The following CDH20 variants were observed in gnomAD, a reference collection of about 807,000 sequenced individuals.
CDH20 encodes cadherin 20.
In CDH20, 29 loss-of-function variants were observed where a neutral mutation model predicts 74.2. That is an observed-to-expected ratio of 0.39 (90% CI 0.29 to 0.53). The LOEUF (loss-of-function observed/expected upper bound fraction) is 0.53. CDH20 is among the 20% of genes least tolerant of loss of function. The pLI, the probability that CDH20 is intolerant of heterozygous loss-of-function variation, is 0.69. For synonymous variants in CDH20, 469 were observed against 405.4 expected, an observed-to-expected ratio of 1.16 and a Z score of -1.88; for missense variants, 988 against 1,048.3, an observed-to-expected ratio of 0.94 and a Z score of 0.79.
intron 1 of CDH20, among the ~76,000 whole-genome samples, chr18:61,433,899 A>G (rs560284857): frequency 7.9e-5 from 12 of 152,286 alleles, no homozygotes; most frequent in African/African-American, 2.6e-4. Context: ...ACTCTCAGAA[A>G]ACAGAACCTT....
At chr18:61,405,301 T>C (rs1912295784) in intron 1 of CDH20, 36 of 302,962 alleles carry the variant, frequency 1.2e-4, no homozygotes, top group South Asian at 1.1e-3. Flanking sequence ...AAAAGACTGA[T>C]ATAGGGTTGG....
chr18:61,387,965 A>G (rs142769750), intron 1 of CDH20, among the ~76,000 whole-genome samples: 45 of 109,570 alleles, frequency 4.1e-4, no homozygotes, highest in Admixed American at 1.1e-3. Flanking sequence ...TATAGTGGGG[A>G]AAAAAAAAAA....
intron 1 of CDH20, among the ~76,000 whole-genome samples, chr18:61,370,162 A>T (rs1439661830): frequency 6.6e-6 from 1 of 152,136 alleles, no homozygotes; most frequent in Non-Finnish European, 1.5e-5. Context: ...TTAAAACTTC[A>T]TGGGGTGCTT....
At position 61,333,505 on chromosome 18, in the gene CDH20, CA is replaced by C. The variant is rs1339810180; in HGVS notation, c.-474del. 3 of 152,384 alleles carry C rather than the reference CA, an allele frequency of 2.0e-5. No individual in the cohort carries two copies. Among genetic ancestry groups the C allele is most frequent in the South Asian group, 4.1e-4 (2 of 4,842 alleles). 9.4% of individuals were successfully genotyped at this position (152,384 alleles called of 1,614,324 possible). A position where few individuals can be genotyped will look rare whatever the true frequency, so the allele number is the denominator to read the frequency against. On this transcript the variant is annotated 5_prime_UTR_variant, in exon 1 of 12. Coordinates refer to ENST00000262717, the MANE Select transcript of CDH20 (RefSeq NM_031891.4). Reference sequence around the variant, plus strand: ...ACGCTCGGGGGACGGTGACCGCGACCAGGGGGCTCTTCTCACTGGACAGGCC... The same window carrying C: ...ACGCTCGGGGGACGGTGACCGCGACCGGGGGCTCTTCTCACTGGACAGGCC...
intron 1 of CDH20, among the ~76,000 whole-genome samples, chr18:61,478,955 A>T (rs1342420820): frequency 6.6e-6 from 1 of 151,818 alleles, no homozygotes. Flanking sequence ...AATTTATATT[A>T]TATAAATATA....
intron 5 of CDH20, among the ~76,000 whole-genome samples, chr18:61,506,488 AG>A (rs1353787039): frequency 1.3e-5 from 2 of 152,236 alleles, no homozygotes; most frequent in African/African-American, 2.4e-5. Flanking sequence ...TTAGAATAAA[AG>A]GGAACACGTA....
intron 1 of CDH20, among the ~76,000 whole-genome samples, chr18:61,444,933 G>A (rs1038341688): frequency 2.6e-5 from 4 of 151,968 alleles, no homozygotes; most frequent in African/African-American, 4.8e-5. Context: ...CAGTACTAGT[G>A]GAAGAAAGGG....
Position 61,544,791 on chromosome 18 carries a change from C to G in CDH20, c.1531-236C>G, listed in dbSNP as rs564558033. On this transcript the variant is annotated intron_variant, in intron 9 of 11. Transcript: ENST00000262717. ...TCTTGGAAAATGCAACATTTGGGCC[C>G]AAAAACAGGAGTTCCTATTCTCACT... is the stretch of plus-strand genomic sequence containing the variant. Among the ~76,000 whole-genome samples the G allele has an allele frequency of 9.2e-5, 14 of 152,104 alleles. No homozygotes were observed. In the East Asian group the frequency reaches 1.5e-3, roughly 17 times the overall value.
intron 6 of CDH20, among the ~76,000 whole-genome samples, chr18:61,517,915 A>T (rs1259233029): frequency 7.9e-5 from 12 of 152,088 alleles, no homozygotes; most frequent in African/African-American, 2.4e-5. Context: ...TCGACCTGGG[A>T]CACTGGAGCT....
rs186036651 is a variant in CDH20 at position 61,338,047 on chromosome 18, T to C, written c.-153+4220T>C. On this transcript the variant is annotated intron_variant, in intron 1 of 11. Transcript: ENST00000262717. ...GAAATACTTAGTTTCTCCAAAATAT[T>C]GTCTGTTTGCTTAAGAGGTGCAACA... Among the ~76,000 whole-genome samples, 200 of 152,332 alleles carry C rather than the reference T, an allele frequency of 1.3e-3. 2 individuals carry two copies. In the East Asian group the frequency reaches 0.028, roughly 21 times the overall value.
At chr18:61,469,156 C>T (rs532974392) in intron 1 of CDH20, among the ~76,000 whole-genome samples, 2 of 152,256 alleles carry the variant, frequency 1.3e-5, no homozygotes, top group South Asian at 4.1e-4. Context: ...AAAGGAAATG[C>T]TATGTTTGTT....
chr18:61,519,291 G>A (rs679785), intron 6 of CDH20, among the ~76,000 whole-genome samples: 2 of 150,448 alleles, frequency 1.3e-5, no homozygotes, highest in Admixed American at 6.6e-5. Flanking sequence ...GATACTCCTC[G>A]AGAAGAGCAA....
At chr18:61,451,890 ACATAC>A (rs1909399679) in intron 1 of CDH20, among the ~76,000 whole-genome samples, 1 of 152,150 alleles carries the variant, frequency 6.6e-6, no homozygotes. Context: ...ATAAGAACTG[ACATAC>A]CACATGCACT....
At chr18:61,359,896 C>A (rs1453061073) in intron 1 of CDH20, among the ~76,000 whole-genome samples, 1 of 152,122 alleles carries the variant, frequency 6.6e-6, no homozygotes, top group East Asian at 1.9e-4. Context: ...CATCTATGTG[C>A]ACCAAGTGAC....
chr18:61,553,145 C>T (rs1379229383), intron 11 of CDH20, among the ~76,000 whole-genome samples: 1 of 152,032 alleles, frequency 6.6e-6, no homozygotes, highest in African/African-American at 2.4e-5. Context: ...TTTTATTAGT[C>T]GGTAATCTTT....
intron 1 of CDH20, among the ~76,000 whole-genome samples, chr18:61,416,753 C>T (rs966301040): frequency 6.6e-6 from 1 of 152,172 alleles, no homozygotes; most frequent in Non-Finnish European, 1.5e-5. Flanking sequence ...GCCTTACAGC[C>T]TTTTAGCTGG....
At chr18:61,362,540 T>C (rs1488262125) in intron 1 of CDH20, among the ~76,000 whole-genome samples, 1 of 152,072 alleles carries the variant, frequency 6.6e-6, no homozygotes, top group Admixed American at 6.6e-5. Flanking sequence ...GGACAGATAA[T>C]AAATATAAAA....
Position 61,555,579 on chromosome 18 carries a change from CTG to C in CDH20, c.*889_*890del, listed in dbSNP as rs962550243. The C allele has an allele frequency of 5.1e-6, 5 of 985,024 alleles. No homozygotes were observed. 61.0% of individuals were successfully genotyped at this position (985,024 alleles called of 1,614,324 possible). A position where few individuals can be genotyped will look rare whatever the true frequency, so the allele number is the denominator to read the frequency against. On this transcript the variant is annotated 3_prime_UTR_variant, in exon 12 of 12. Coordinates refer to ENST00000262717, the MANE Select transcript of CDH20 (RefSeq NM_031891.4). ...GCATGGGTTAGAGGGCTTTCCTAAT[CTG>C]TGTGAGGTCAATCCAAGGGATGTTT...
chr18:61,456,173 G>A (rs992427250), intron 1 of CDH20, among the ~76,000 whole-genome samples: 1 of 152,138 alleles, frequency 6.6e-6, no homozygotes, highest in African/African-American at 2.4e-5. Context: ...TTTGCTCCTA[G>A]GTGGGTATAG....
Sources: gnomAD v4.1 joint callset for allele counts (sites outside exome capture counted in the v4.1 genomes callset) on GRCh38, gnomAD v4.1.1 for gene constraint, MANE v1.5 for transcripts, NCBI Gene and HGNC (gene_info 2026-07-23, HGNC 2026-07-21) for gene names.